Variants in CTNNA3 observed in about 807,000 individuals in gnomAD.
CTNNA3 encodes the protein catenin alpha-3.
A neutral mutation model predicts 95.7 loss-of-function variants in CTNNA3; 76 were observed. That is an observed-to-expected ratio of 0.79 (90% CI 0.66 to 0.96). CTNNA3 has a LOEUF of 0.96. Ranked by LOEUF, CTNNA3 falls within the 40% of genes least tolerant of loss-of-function variation. CTNNA3 has a pLI of 0.00. For synonymous variants in CTNNA3, 431 were observed against 374.4 expected, an observed-to-expected ratio of 1.15 and a Z score of -1.74; for missense variants, 1,191 against 1,089.8, an observed-to-expected ratio of 1.09 and a Z score of -1.31.
intron 10 of CTNNA3, among the ~76,000 whole-genome samples, chr10:66,555,651 T>C (rs1341568250): frequency 6.6e-6 from 1 of 152,134 alleles, no homozygotes; most frequent in Non-Finnish European, 1.5e-5. Context: ...TTTTAAGCAA[T>C]ATTTTTTCCA....
intron 7 of CTNNA3, among the ~76,000 whole-genome samples, chr10:66,856,381 ATG>A (rs1843683769): frequency 6.6e-6 from 1 of 152,010 alleles, no homozygotes; most frequent in Non-Finnish European, 1.5e-5. Context: ...CAATGTGTGC[ATG>A]TGTCTTTATG....
At chr10:66,394,938 T>G (rs1290313743) in intron 11 of CTNNA3, among the ~76,000 whole-genome samples, 3 of 151,982 alleles carry the variant, frequency 2.0e-5, no homozygotes, top group Non-Finnish European at 4.4e-5. Flanking sequence ...AATGCACAGA[T>G]AGAATGCAAA....
At chr10:67,084,797 G>T (rs753740438) in intron 7 of CTNNA3, among the ~76,000 whole-genome samples, 1 of 151,874 alleles carries the variant, frequency 6.6e-6, no homozygotes, top group Non-Finnish European at 1.5e-5. Flanking sequence ...CCTAGACTAC[G>T]TTTATAAATT....
At chr10:67,161,154 A>AATT (rs1389547857) in intron 7 of CTNNA3, among the ~76,000 whole-genome samples, 1 of 152,182 alleles carries the variant, frequency 6.6e-6, no homozygotes, top group East Asian at 1.9e-4. Flanking sequence ...TTCACTTAAA[A>AATT]ATTTGTTAAG....
At chr10:67,301,906 T>A (rs1366098327) in intron 5 of CTNNA3, among the ~76,000 whole-genome samples, 4 of 150,894 alleles carry the variant, frequency 2.7e-5, no homozygotes, top group Middle Eastern at 3.4e-3. Flanking sequence ...GAGGCGGAGC[T>A]TGCAGTGAGC....
At position 65,915,188 on chromosome 10, in the gene CTNNA3, A is replaced by G. The variant is rs1274842429; in HGVS notation, c.*5142T>C. On this transcript the variant is annotated 3_prime_UTR_variant, in exon 18 of 18. Coordinates refer to ENST00000433211, the MANE Select transcript of CTNNA3 (RefSeq NM_013266.4). ...ACCCAGATTGGCTCTAATATTGGGA[A>G]GAATTTCACCTACCATCAGTCAGGA... 6.6e-6 allele frequency: 1 copy of G among 152,128 alleles called. No individual in the cohort carries two copies. The highest frequency in any genetic ancestry group is 1.5e-5 in the Non-Finnish European group (1 of 68,002). The allele number at this position is 152,128 out of a possible 1,614,324, so 9.4% of individuals were successfully genotyped here.
At chr10:67,460,958 G>A (rs1179978843) in intron 5 of CTNNA3, among the ~76,000 whole-genome samples, 1 of 152,124 alleles carries the variant, frequency 6.6e-6, no homozygotes, top group African/African-American at 2.4e-5. Flanking sequence ...TATGATTTGT[G>A]AGTTGGTGAT....
chr10:66,131,170 A>T (rs2083082278), intron 13 of CTNNA3, among the ~76,000 whole-genome samples: 1 of 152,074 alleles, frequency 6.6e-6, no homozygotes, highest in Non-Finnish European at 1.5e-5. Flanking sequence ...TCCTACTGAA[A>T]CTTTTCCAAA....
intron 5 of CTNNA3, among the ~76,000 whole-genome samples, chr10:67,260,381 A>G (rs767345993): frequency 2.8e-4 from 43 of 152,350 alleles, no homozygotes; most frequent in Middle Eastern, 3.4e-3. Flanking sequence ...TTCTCTTTGT[A>G]AGTAGTCCTA....
In CTNNA3 at chr10:66,758,891, C is replaced by A. The variant is rs536466733; in HGVS notation, c.1281+7373G>T. ...CAGAGGTTGCCGTGAGCCTAGATCA[C>A]GTCACTGCACTCCAGCCTGGGTGAC... On this transcript the variant is annotated intron_variant, in intron 9 of 17. Transcript: ENST00000433211. 2.0e-4 allele frequency among the ~76,000 whole-genome samples: 31 copies of A among 152,216 alleles called. No individual in the cohort carries two copies. The East Asian group carries it at 5.0e-3, about 25-fold the overall frequency.
At chr10:67,398,645 T>C (rs1844804400) in intron 5 of CTNNA3, among the ~76,000 whole-genome samples, 1 of 152,104 alleles carries the variant, frequency 6.6e-6, no homozygotes, top group Admixed American at 6.5e-5. Flanking sequence ...TGGAATGATA[T>C]GGTTTGGCTG....
At chr10:66,275,240 C>T (rs1483558509) in intron 13 of CTNNA3, among the ~76,000 whole-genome samples, 1 of 152,172 alleles carries the variant, frequency 6.6e-6, no homozygotes, top group African/African-American at 2.4e-5. Flanking sequence ...GCCTCAACCT[C>T]CTGAGAAACT....
intron 3 of CTNNA3, among the ~76,000 whole-genome samples, chr10:67,541,142 T>A (rs1840673105): frequency 1.3e-5 from 2 of 151,934 alleles, no homozygotes; most frequent in Admixed American, 6.6e-5. Context: ...TTTACATGCA[T>A]GAACAAGTTT....
Position 67,704,263 on chromosome 10 carries a change from T to C in CTNNA3, c.-1-56749A>G, listed in dbSNP as rs147663505. Among the ~76,000 whole-genome samples the C allele has an allele frequency of 7.2e-3, 1,099 of 152,276 alleles. 15 individuals are homozygous for C. Among genetic ancestry groups the C allele is most frequent in the African/African-American group, 0.025 (1,049 of 41,536 alleles). ...GCTACCAATGACTTTCTTCACAGAA[T>C]TGTAAAAAACTGCTTTAAAGTTTGT... is the stretch of plus-strand genomic sequence containing the variant. On this transcript the variant is annotated intron_variant, in intron 1 of 17. Transcript: ENST00000684154.
chr10:67,393,825 T>C (rs1364360990), intron 5 of CTNNA3, among the ~76,000 whole-genome samples: 2 of 152,142 alleles, frequency 1.3e-5, no homozygotes, highest in African/African-American at 4.8e-5. Context: ...TAAAAAGATA[T>C]ATATACCTGA....
In CTNNA3 at chr10:66,518,999, G is replaced by C. The variant is rs184138883; in HGVS notation, c.1531+1618C>G. 2.0e-5 allele frequency among the ~76,000 whole-genome samples: 3 copies of C among 152,070 alleles called. No individual in the cohort carries two copies. In the East Asian group the frequency reaches 5.8e-4, roughly 29 times the overall value. The stretch of plus-strand genomic sequence containing the variant: ...TACATGAAAGTAATGAAGTCAATAG[G>C]TTAGACTGGAACAAATCAGGTAACT... On this transcript the variant is annotated intron_variant, in intron 11 of 17. Coordinates refer to ENST00000433211, the MANE Select transcript of CTNNA3 (RefSeq NM_013266.4).
At chr10:66,871,506 G>A (rs1348507901) in intron 7 of CTNNA3, among the ~76,000 whole-genome samples, 1 of 147,252 alleles carries the variant, frequency 6.8e-6, no homozygotes, top group Non-Finnish European at 1.5e-5. Flanking sequence ...AGGTTGCGGT[G>A]AGCTGAGATC....
chr10:66,752,856 GCA>G (rs148337293), intron 9 of CTNNA3, among the ~76,000 whole-genome samples: 10 of 149,810 alleles, frequency 6.7e-5, no homozygotes, highest in East Asian at 2.0e-4. Flanking sequence ...ACACACACAC[GCA>G]CACACACACA....
Position 67,566,061 on chromosome 10 carries a change from A to ATATATATATATATATATATG in CTNNA3, c.293-26393_293-26392insCATATATATATATATATATA, listed in dbSNP as rs1184891307. 1.2e-3 allele frequency among the ~76,000 whole-genome samples: 115 copies of ATATATATATATATATATATG among 94,220 alleles called. 2 individuals are homozygous for ATATATATATATATATATATG. Among genetic ancestry groups the ATATATATATATATATATATG allele is most frequent in the African/African-American group, 4.3e-3 (108 of 24,928 alleles). 61.8% of individuals were successfully genotyped at this position (94,220 alleles called of 152,430 possible). A position where few individuals can be genotyped will look rare whatever the true frequency, so the allele number is the denominator to read the frequency against. ...TGTGTGTGTATATATATATATATAT[A>ATATATATATATATATATATG]TATATATATATACAAAACCTAGGCA... On this transcript the variant is annotated intron_variant, in intron 3 of 17. Transcript: ENST00000433211.
Sources: allele counts gnomAD v4.1 joint callset (sites outside exome capture counted in the v4.1 genomes callset), GRCh38; gene constraint gnomAD v4.1.1; transcripts MANE v1.5; gene names NCBI Gene and HGNC (gene_info 2026-07-23, HGNC 2026-07-21).